Variants in UNC5A observed in about 807,000 individuals in gnomAD.
The protein encoded by UNC5A is unc-5 netrin receptor A, also known as netrin receptor UNC5A.
UNC5A carries 20 observed loss-of-function variants against 87.4 expected under a neutral mutation model. That is an observed-to-expected ratio of 0.23 (90% CI 0.16 to 0.33). UNC5A has a LOEUF of 0.33. UNC5A is among the 10% of genes least tolerant of loss of function. UNC5A has a pLI of 1.00. For missense variants in UNC5A, 844 were observed against 1,133.4 expected, an observed-to-expected ratio of 0.74 and a Z score of 3.67; for synonymous variants, 438 against 482.3, an observed-to-expected ratio of 0.91 and a Z score of 1.20.
At chr5:176,830,784 G>A (rs7446299) in intron 1 of UNC5A, among the ~76,000 whole-genome samples, 45 of 144,802 alleles carry the variant, frequency 3.1e-4, no homozygotes, top group African/African-American at 9.2e-4. Flanking sequence ...GTGTACTGGC[G>A]TGTGTGTGCT....
Position 176,879,907 on chromosome 5 carries a change from T to A in UNC5A, c.*21T>A. 6.2e-7 allele frequency: 1 copy of A among 1,603,646 alleles called. No individual in the cohort carries two copies. Among genetic ancestry groups the A allele is most frequent in the Non-Finnish European group, 8.5e-7 (1 of 1,176,118 alleles). ...GCTGAGGCCGGCCAGGCCCGACACCTACACTCTCACCAGCTTTGGCACCCA... is the reference window on the plus strand; with the variant it reads ...GCTGAGGCCGGCCAGGCCCGACACCAACACTCTCACCAGCTTTGGCACCCA... On this transcript the variant is annotated 3_prime_UTR_variant, in exon 15 of 15. Coordinates refer to ENST00000329542, the MANE Select transcript of UNC5A (RefSeq NM_133369.3).
At chr5:176,812,313 G>C (rs959565574) in intron 1 of UNC5A, among the ~76,000 whole-genome samples, 2 of 152,232 alleles carry the variant, frequency 1.3e-5, no homozygotes, top group African/African-American at 4.8e-5. Context: ...CTGACACCCA[G>C]TAGGTACCCT....
At chr5:176,877,097 TCAG>T in intron 8 of UNC5A, 92 bp from the exon 9 acceptor site, 2 of 1,003,362 alleles carry the variant, frequency 2.0e-6, no homozygotes, top group Non-Finnish European at 3.0e-6. Flanking sequence ...CTGGCACCAG[TCAG>T]TCCTCACAGG....
rs565836838 is a variant in UNC5A at position 176,875,304 on chromosome 5, A to T, written c.1378+738A>T. ...ACCCAGCTGCCTCCTGGCCAGCTCCATCTGGATGTCTCACATCACCTCAGA... is the reference window on the plus strand; with the variant it reads ...ACCCAGCTGCCTCCTGGCCAGCTCCTTCTGGATGTCTCACATCACCTCAGA... On this transcript the variant is annotated intron_variant, in intron 8 of 14. Coordinates refer to ENST00000329542, the MANE Select transcript of UNC5A (RefSeq NM_133369.3). This position sits in a 1 kb window ranked among gnomAD's most constrained non-coding sequence, Gnocchi z 5.2. Among the ~76,000 whole-genome samples, 1 of 152,134 alleles carries T rather than the reference A, an allele frequency of 6.6e-6. No individual in the cohort carries two copies. Among genetic ancestry groups the T allele is most frequent in the African/African-American group, 2.4e-5 (1 of 41,516 alleles).
At chr5:176,826,968 C>G (rs566377530) in intron 1 of UNC5A, among the ~76,000 whole-genome samples, 1 of 151,800 alleles carries the variant, frequency 6.6e-6, no homozygotes, top group African/African-American at 2.4e-5. Flanking sequence ...AAAGGAGACC[C>G]CATTAAGCAG....
chr5:176,843,848 G>T (rs529457951), intron 1 of UNC5A, among the ~76,000 whole-genome samples: 10 of 152,346 alleles, frequency 6.6e-5, no homozygotes, highest in Non-Finnish European at 1.5e-4. Flanking sequence ...CTGGCCCCTG[G>T]CCCCTGGCCC....
chr5:176,866,100 G>A lies in UNC5A; in HGVS notation c.293-2030G>A, dbSNP rs1317583716. 1.3e-5 allele frequency among the ~76,000 whole-genome samples: 2 copies of A among 152,084 alleles called. No individual in the cohort carries two copies. The highest frequency in any genetic ancestry group is 6.5e-5 in the Admixed American group (1 of 15,274). On this transcript the variant is annotated intron_variant, in intron 2 of 14. Transcript: ENST00000329542. This position sits in a 1 kb window ranked among gnomAD's most constrained non-coding sequence, Gnocchi z 5.0. Reference sequence around the variant, plus strand: ...GCAGCCCAGGTTCACACACACACCCGCCCAGGCCCACTGGCCCGGGGTCCC... The same window carrying A: ...GCAGCCCAGGTTCACACACACACCCACCCAGGCCCACTGGCCCGGGGTCCC...
At chr5:176,879,025 A>G (rs747965161) in intron 13 of UNC5A, among the ~76,000 whole-genome samples, 2 of 151,992 alleles carry the variant, frequency 1.3e-5, no homozygotes, top group Non-Finnish European at 2.9e-5. Flanking sequence ...GTGTGTGTTG[A>G]GTGTCAGCAG....
intron 1 of UNC5A, among the ~76,000 whole-genome samples, chr5:176,826,890 C>T (rs900389251): frequency 4.6e-5 from 7 of 152,076 alleles, no homozygotes; most frequent in African/African-American, 1.2e-4. Flanking sequence ...CTGCCCGTCT[C>T]GGCCTCCCAA....
intron 1 of UNC5A, among the ~76,000 whole-genome samples, chr5:176,831,251 T>C (rs898052523): frequency 6.6e-6 from 1 of 152,138 alleles, no homozygotes; most frequent in East Asian, 1.9e-4. Context: ...ATAAAATCTT[T>C]CATGTTAATG....
rs150483448 is a variant in UNC5A, at chr5:176,844,846, G to A, written c.71-17778G>A. Reference sequence around the variant, plus strand: ...CAGTGGATCGTGGAAGTCGGTCCTCGGTGCCAGCCACAGACTCCCTGCCCA... The same window carrying A: ...CAGTGGATCGTGGAAGTCGGTCCTCAGTGCCAGCCACAGACTCCCTGCCCA... On this transcript the variant is annotated intron_variant, in intron 1 of 14. Transcript: ENST00000329542. This position sits in a 1 kb window ranked among gnomAD's most constrained non-coding sequence, Gnocchi z 4.2. Among the ~76,000 whole-genome samples the A allele has an allele frequency of 4.7e-4, 72 of 152,156 alleles. No homozygotes were observed. Among genetic ancestry groups the A allele is most frequent in the African/African-American group, 1.5e-3 (61 of 41,492 alleles).
chr5:176,816,769 G>A (rs886808470), intron 1 of UNC5A, among the ~76,000 whole-genome samples: 3 of 152,246 alleles, frequency 2.0e-5, no homozygotes, highest in African/African-American at 7.2e-5. Context: ...CTCAATACAC[G>A]TTAGCAATGA....
intron 1 of UNC5A, 125 bp from the exon 2 acceptor site, chr5:176,862,499 T>C (rs1032822160): frequency 9.9e-6 from 9 of 908,748 alleles, no homozygotes; most frequent in Non-Finnish European, 1.6e-5. Context: ...AGCTGGGACA[T>C]GGCAGAGCCT....
intron 2 of UNC5A, among the ~76,000 whole-genome samples, chr5:176,867,249 C>T (rs1025065531): frequency 1.4e-4 from 21 of 152,086 alleles, no homozygotes; most frequent in Non-Finnish European, 2.2e-4. Flanking sequence ...TGGCTACAGA[C>T]GGGGCAGGAG....
rs1003306190 is a variant in UNC5A at position 176,838,576 on chromosome 5, C to T, written c.71-24048C>T. Among the ~76,000 whole-genome samples, 4 of 152,272 alleles carry T rather than the reference C, an allele frequency of 2.6e-5. No homozygotes were observed. The highest frequency in any genetic ancestry group is 6.5e-5 in the Admixed American group (1 of 15,290). ...AGCTGACTTCAGGCAAAGCCTGATG[C>T]GCTGGCTCAGACAACAGCACTCTGG... On this transcript the variant is annotated intron_variant, in intron 1 of 14. Coordinates refer to ENST00000329542, the MANE Select transcript of UNC5A (RefSeq NM_133369.3). This position sits in a 1 kb window ranked among gnomAD's most constrained non-coding sequence, Gnocchi z 4.2.
In UNC5A at chr5:176,837,305, C is replaced by T. The variant is rs939593852; in HGVS notation, c.71-25319C>T. On this transcript the variant is annotated intron_variant, in intron 1 of 14. Coordinates refer to ENST00000329542, the MANE Select transcript of UNC5A (RefSeq NM_133369.3). Reference sequence around the variant, plus strand: ...CTGTCTTCTAGCACAGGCACCTTGCCTGGCAGTGCCCATGAGCCGGTGAGG... The same window carrying T: ...CTGTCTTCTAGCACAGGCACCTTGCTTGGCAGTGCCCATGAGCCGGTGAGG... Among the ~76,000 whole-genome samples, 7 of 152,336 alleles carry T rather than the reference C, an allele frequency of 4.6e-5. 1 individual carries two copies. The highest frequency in any genetic ancestry group is 6.8e-3 in the Middle Eastern group (2 of 294).
In UNC5A at chr5:176,848,361, A is replaced by G. The variant is rs767663519; in HGVS notation, c.71-14263A>G. Among the ~76,000 whole-genome samples the G allele has an allele frequency of 6.6e-6, 1 of 152,126 alleles. No homozygotes were observed. The highest frequency in any genetic ancestry group is 1.5e-5 in the Non-Finnish European group (1 of 68,026). Reference sequence around the variant, plus strand: ...GGCAGCGGCTCATCTGAGGCTGCATAGTGACACTGAGGCCACCCCTCTCTT... The same window carrying G: ...GGCAGCGGCTCATCTGAGGCTGCATGGTGACACTGAGGCCACCCCTCTCTT... On this transcript the variant is annotated intron_variant, in intron 1 of 14. Transcript: ENST00000329542. This position sits in a 1 kb window ranked among gnomAD's most constrained non-coding sequence, Gnocchi z 5.8.
At chr5:176,816,022 GT>G (rs1310185421) in intron 1 of UNC5A, among the ~76,000 whole-genome samples, 24 of 152,372 alleles carry the variant, frequency 1.6e-4, no homozygotes, top group Admixed American at 3.9e-4. Flanking sequence ...CGAAATTCTA[GT>G]CCTCTCTCTG....
Position 176,874,622 on chromosome 5 carries a change from G to T in UNC5A, c.1378+56G>T. 6 of 1,480,724 alleles carry T rather than the reference G, an allele frequency of 4.1e-6. No individual in the cohort carries two copies. In the South Asian group the frequency reaches 8.5e-5, roughly 21 times the overall value. The allele number at this position is 1,480,724 out of a possible 1,614,324, so 91.7% of individuals were successfully genotyped here. A position where few individuals can be genotyped will look rare whatever the true frequency, so the allele number is the denominator to read the frequency against. ...TCCACTTCCCTCCTGGAGGAGGACG[G>T]GACAGCCGGACGTTCCTCTCGTGCC... is the stretch of plus-strand genomic sequence containing the variant. On this transcript the variant is annotated intron_variant, in intron 8 of 14. Coordinates refer to ENST00000329542, the MANE Select transcript of UNC5A (RefSeq NM_133369.3). The surrounding 1 kb of genome is among the most constrained non-coding windows in gnomAD (Gnocchi z 7.6).
Sources: gnomAD v4.1 joint callset for allele counts (sites outside exome capture counted in the v4.1 genomes callset) on GRCh38, gnomAD v4.1.1 for gene constraint, Gnocchi (gnomAD v3.1) non-coding constraint, MANE v1.5 for transcripts, NCBI Gene and HGNC (gene_info 2026-07-23, HGNC 2026-07-21) for gene names.